STEAP4: variants seen among roughly 807,000 people sequenced by gnomAD.
STEAP4 encodes the protein STEAP4 metalloreductase, also known as metalloreductase STEAP4.
In STEAP4, 36 loss-of-function variants were observed where a neutral mutation model predicts 43.6. That is an observed-to-expected ratio of 0.83 (90% CI 0.63 to 1.09). The LOEUF (loss-of-function observed/expected upper bound fraction) is 1.09, where lower values mean the gene tolerates loss of function less well. Ranked by LOEUF, STEAP4 falls within the 50% of genes least tolerant of loss-of-function variation. The pLI is 0.00. For missense variants in STEAP4, 495 were observed against 546.5 expected, an observed-to-expected ratio of 0.91 and a Z score of 0.94; for synonymous variants, 191 against 196.7, an observed-to-expected ratio of 0.97 and a Z score of 0.24.
At chr7:88,300,963 A>G (rs1853023162) in intron 1 of STEAP4, among the ~76,000 whole-genome samples, 1 of 152,118 alleles carries the variant, frequency 6.6e-6, no homozygotes, top group Non-Finnish European at 1.5e-5. Flanking sequence ...CATCAACACA[A>G]TTTTAGCTAT....
intron 1 of STEAP4, among the ~76,000 whole-genome samples, chr7:88,291,853 C>T (rs1008023137): frequency 6.6e-5 from 10 of 152,144 alleles, no homozygotes; most frequent in African/African-American, 2.2e-4. Context: ...TCTCCACAAA[C>T]CTCAGTTATG....
At chr7:88,298,585 T>C (rs1852972006) in intron 1 of STEAP4, among the ~76,000 whole-genome samples, 1 of 151,756 alleles carries the variant, frequency 6.6e-6, no homozygotes, top group South Asian at 2.1e-4. Context: ...AGAACCTACA[T>C]CTAATTTCTT....
In STEAP4 at chr7:88,282,622, T is replaced by C. The variant is rs1304532650; in HGVS notation, c.984+19A>G. Reference sequence around the variant, plus strand: ...CTCTGATTTCAGGAGCAGAAGAAAATATATAAGAAGAGATTTACCTGGGTA... The same window carrying C: ...CTCTGATTTCAGGAGCAGAAGAAAACATATAAGAAGAGATTTACCTGGGTA... On this transcript the variant is annotated intron_variant, in intron 3 of 4. Transcript: ENST00000380079. 1.3e-6 allele frequency: 2 copies of C among 1,596,258 alleles called. No homozygotes were observed. The highest frequency in any genetic ancestry group is 1.7e-6 in the Non-Finnish European group (2 of 1,168,816).
chr7:88,288,803 A>G (rs749855269), intron 1 of STEAP4, among the ~76,000 whole-genome samples: 1 of 152,166 alleles, frequency 6.6e-6, no homozygotes, highest in Non-Finnish European at 1.5e-5. Flanking sequence ...ACACAGTAAA[A>G]TATTCTTAAT....
chr7:88,298,918 A>G (rs1438234302), intron 1 of STEAP4, among the ~76,000 whole-genome samples: 2 of 152,196 alleles, frequency 1.3e-5, no homozygotes, highest in East Asian at 1.9e-4. Flanking sequence ...GCACACAAAA[A>G]CACAGTAATC....
intron 1 of STEAP4, among the ~76,000 whole-genome samples, chr7:88,291,242 T>G (rs1216873590): frequency 6.6e-6 from 1 of 151,930 alleles, no homozygotes; most frequent in Non-Finnish European, 1.5e-5. Context: ...TAAAACTCTA[T>G]ATAAAATGGC....
chr7:88,273,646 G>A lies in STEAP4; in HGVS notation c.*5752C>T, dbSNP rs1852472015. On this transcript the variant is annotated 3_prime_UTR_variant, in exon 5 of 5. Transcript: ENST00000380079. Reference sequence around the variant, plus strand: ...CTCAGTACACAAAGCAATAAGGTGAGAAACCAGGGAAAAAGAAAATATTTG... The same window carrying A: ...CTCAGTACACAAAGCAATAAGGTGAAAAACCAGGGAAAAAGAAAATATTTG... 1 of 152,148 alleles carries A rather than the reference G, an allele frequency of 6.6e-6. No homozygotes were observed. The highest frequency in any genetic ancestry group is 2.4e-5 in the African/African-American group (1 of 41,438). 9.4% of individuals were successfully genotyped at this position (152,148 alleles called of 1,614,324 possible).
chr7:88,280,757 G>A (rs1852604191), intron 4 of STEAP4, among the ~76,000 whole-genome samples, 158 bp downstream of exon 4: 1 of 152,144 alleles, frequency 6.6e-6, no homozygotes, highest in South Asian at 2.1e-4. Context: ...TAGATATGGA[G>A]GCAGTCAGGA....
intron 1 of STEAP4, chr7:88,303,906 C>G (rs926184156): frequency 1.3e-5 from 2 of 152,180 alleles, no homozygotes; most frequent in African/African-American, 4.8e-5. Context: ...AGGACAAATA[C>G]TAATTCAAAT....
chr7:88,283,907 A>G lies in STEAP4; in HGVS notation c.363T>C (p.Leu121=). The change falls in exon 2 of 5, where the codon CTT becomes CTC. Residue 121 remains leucine (L), a synonymous_variant. Coordinates refer to ENST00000380079, the MANE Select transcript of STEAP4 (RefSeq NM_024636.4). ...NQYPESNAEY[L]AHLVPGAHVV... ...CGTGGGCTCCTGGCACCAAATGAGC[A>G]AGGTACTCTGCATTAGATTCTGGAT... The G allele has an allele frequency of 6.2e-7, 1 of 1,614,148 alleles. No individual in the cohort carries two copies. Among genetic ancestry groups the G allele is most frequent in the Non-Finnish European group, 8.5e-7 (1 of 1,180,014 alleles).
chr7:88,285,169 G>A (rs113570997), intron 1 of STEAP4, among the ~76,000 whole-genome samples: 2,134 of 152,102 alleles, frequency 0.014, 61 homozygotes, highest in African/African-American at 0.049. Context: ...CTGGGAACTC[G>A]ATTAAAATAA....
chr7:88,290,932 C>G (rs1313124848), intron 1 of STEAP4: 1 of 152,114 alleles, frequency 6.6e-6, no homozygotes, highest in East Asian at 1.9e-4. Context: ...GCAAGTCGAC[C>G]ACTTTCAGAT....
intron 4 of STEAP4, among the ~76,000 whole-genome samples, chr7:88,280,077 C>T (rs778678691): frequency 2.0e-5 from 3 of 152,158 alleles, no homozygotes; most frequent in Non-Finnish European, 2.9e-5. Flanking sequence ...GAGCAATAGC[C>T]AATCTTGTTT....
At chr7:88,285,277 G>T (rs541204137) in intron 1 of STEAP4, among the ~76,000 whole-genome samples, 218 of 152,198 alleles carry the variant, frequency 1.4e-3, no homozygotes, top group Non-Finnish European at 2.7e-3. Flanking sequence ...TATGTAACAA[G>T]ATAGCAAGAT....
Position 88,279,443 on chromosome 7 carries a change from G to A in STEAP4, c.1335C>T (p.Thr445=), listed in dbSNP as rs745515855. The A allele has an allele frequency of 6.2e-7, 1 of 1,613,928 alleles. No homozygotes were observed. The highest frequency in any genetic ancestry group is 1.7e-5 in the Admixed American group (1 of 59,970). Residue 445 remains threonine (T), a synonymous_variant, in exon 5 of 5, where the codon ACC becomes ACT. Transcript: ENST00000380079. ...FVLIMPCVDN[T]LTRIRQGWER... is the part of the protein sequence containing the mutation. ...CCCAGCCCTGGCGGATCCTTGTAAGGGTGTTGTCTACACATGGCATGATTA... is the reference window on the plus strand; with the variant it reads ...CCCAGCCCTGGCGGATCCTTGTAAGAGTGTTGTCTACACATGGCATGATTA...
At chr7:88,305,029 A>G (rs1455651318) in intron 1 of STEAP4, among the ~76,000 whole-genome samples, 3 of 152,222 alleles carry the variant, frequency 2.0e-5, no homozygotes, top group African/African-American at 7.2e-5. Context: ...TAATTTATTA[A>G]CAATCTTAAA....
At chr7:88,284,305 A>G (rs1852686959) in intron 1 of STEAP4, 34 bp from the exon 2 acceptor site, 1 of 1,424,842 alleles carries the variant, frequency 7.0e-7, no homozygotes, top group Non-Finnish European at 9.5e-7. Context: ...CCAACAAAAT[A>G]TAAATGCTCT....
intron 1 of STEAP4, among the ~76,000 whole-genome samples, chr7:88,287,571 T>C (rs1852757685): frequency 6.6e-6 from 1 of 152,054 alleles, no homozygotes; most frequent in Non-Finnish European, 1.5e-5. Flanking sequence ...TAAATTAAAA[T>C]AGGAGCTCGA....
chr7:88,276,131 G>T lies in STEAP4; in HGVS notation c.*3267C>A, dbSNP rs1352771720. On this transcript the variant is annotated 3_prime_UTR_variant, in exon 5 of 5. Transcript: ENST00000380079. ...ACCTCCAAATTCTCACAAAAATCCA[G>T]CGTGGGATAGTGCAGTCCTCCCCAT... 2 of 152,246 alleles carry T rather than the reference G, an allele frequency of 1.3e-5. No individual in the cohort carries two copies. The highest frequency in any genetic ancestry group is 2.9e-5 in the Non-Finnish European group (2 of 68,114). 9.4% of individuals were successfully genotyped at this position (152,246 alleles called of 1,614,324 possible).
Sources: gnomAD v4.1 joint callset for allele counts (sites outside exome capture counted in the v4.1 genomes callset) on GRCh38, gnomAD v4.1.1 for gene constraint, MANE v1.5 for transcripts, NCBI Gene and HGNC (gene_info 2026-07-23, HGNC 2026-07-21) for gene names.